MROH1: variants seen among roughly 807,000 people sequenced by gnomAD.
The protein encoded by MROH1 is maestro heat-like repeat-containing protein family member 1.
In MROH1, 117 loss-of-function variants were observed where a neutral mutation model predicts 116.5. The observed-to-expected ratio is 1.00, with a 90% confidence interval of 0.86 to 1.17. MROH1 has a LOEUF of 1.17. MROH1 is among the 50% of genes most tolerant of loss of function. The probability of loss-of-function intolerance (pLI) is 0.00; values close to 1 mark genes in which losing one functional copy is unlikely to be tolerated. For missense variants in MROH1, 1,873 were observed against 1,338.5 expected (o/e 1.40, Z -6.23); for synonymous variants, 921 against 583.9 (o/e 1.58, Z -8.32).
intron 25 of MROH1, 106 bp from the exon 26 acceptor site, chr8:144,243,757 C>T: frequency 1.3e-6 from 1 of 742,184 alleles, no homozygotes; most frequent in Non-Finnish European, 2.5e-6. Context: ...ACATGGGGCT[C>T]TGCTCCTCGG....
At position 144,168,295 on chromosome 8, in the gene MROH1, A is replaced by T; in HGVS notation, c.23A>T (p.Lys8Met). The change falls in exon 4 of 44, where the codon AAG (lysine) becomes ATG (methionine). Residue 8 changes from lysine (K) to methionine (M), a missense_variant and splice_region_variant. Coordinates refer to ENST00000326134, the MANE Select transcript of MROH1 (RefSeq NM_032450.3). The part of the protein sequence containing the change: MTESSMK[K>M]LASTLLDAIT... ...TGCTAACCAGGCTTTGTCGCTGCAG[A>T]GCTGGCCTCCACCCTGCTGGACGCC... 6.3e-7 allele frequency: 1 copy of T among 1,598,662 alleles called. No individual in the cohort carries two copies. Among genetic ancestry groups the T allele is most frequent in the Non-Finnish European group, 8.5e-7 (1 of 1,176,146 alleles).
chr8:144,168,272 C>T (rs1399453610), intron 3 of MROH1, 23 bp from the exon 4 acceptor site: 3 of 1,571,950 alleles, frequency 1.9e-6, no homozygotes, highest in African/African-American at 1.3e-5. Flanking sequence ...CCTGAGCATG[C>T]TAACCAGGCT....
intron 12 of MROH1, among the ~76,000 whole-genome samples, chr8:144,211,362 T>C (rs1464048301): frequency 6.6e-6 from 1 of 152,222 alleles, no homozygotes; most frequent in African/African-American, 2.4e-5. Context: ...TTTCATTAAG[T>C]GGAACACCTT....
intron 1 of MROH1, among the ~76,000 whole-genome samples, chr8:144,159,950 T>C (rs1359469947): frequency 6.6e-6 from 1 of 152,098 alleles, no homozygotes; most frequent in Non-Finnish European, 1.5e-5. Flanking sequence ...TTGTATTTTT[T>C]AGTAGAGACA....
intron 14 of MROH1, among the ~76,000 whole-genome samples, chr8:144,238,372 C>A (rs1032679438): frequency 6.6e-6 from 1 of 152,182 alleles, no homozygotes; most frequent in African/African-American, 2.4e-5. Context: ...GAGAGGACAG[C>A]AGACATCCAG....
Position 144,210,419 on chromosome 8 carries a change from C to A in MROH1, c.1141+9878C>A, listed in dbSNP as rs576742100. ...CGCCACTGCATAAACAGGCCCTGTG[C>A]GGTGGCTCACACCTGTAATCCCAGC... On this transcript the variant is annotated intron_variant, in intron 12 of 43. Transcript: ENST00000326134. Among the ~76,000 whole-genome samples, 343 of 152,146 alleles carry A rather than the reference C, an allele frequency of 2.3e-3. 1 individual carries two copies. The highest frequency in any genetic ancestry group is 8.0e-3 in the African/African-American group (330 of 41,496).
intron 7 of MROH1, among the ~76,000 whole-genome samples, chr8:144,185,076 C>A (rs918104344): frequency 6.6e-6 from 1 of 152,178 alleles, no homozygotes; most frequent in East Asian, 1.9e-4. Flanking sequence ...TTTTCTCTGT[C>A]GGGGAGGGAA....
At chr8:144,188,051 C>T (rs1318834569) in intron 7 of MROH1, among the ~76,000 whole-genome samples, 2 of 152,140 alleles carry the variant, frequency 1.3e-5, no homozygotes, top group Non-Finnish European at 2.9e-5. Context: ...GACCGGCGAG[C>T]CTCGCAGGAC....
intron 11 of MROH1, among the ~76,000 whole-genome samples, chr8:144,199,466 G>T (rs7460754): frequency 0.02 from 3,061 of 152,230 alleles, 89 homozygotes; most frequent in African/African-American, 0.068. Flanking sequence ...CGTCCAGTCT[G>T]CACATTCCCT....
rs1021554218 is a variant in MROH1, at chr8:144,163,942, G to A, written c.22+94G>A. 154 of 1,391,702 alleles carry A rather than the reference G, an allele frequency of 1.1e-4. No homozygotes were observed. The highest frequency in any genetic ancestry group is 1.5e-4 in the Non-Finnish European group (150 of 995,006). The allele number at this position is 1,391,702 out of a possible 1,614,324, so 86.2% of individuals were successfully genotyped here. A position where few individuals can be genotyped will look rare whatever the true frequency, so the allele number is the denominator to read the frequency against. On this transcript the variant is annotated intron_variant, in intron 3 of 43. Coordinates refer to ENST00000326134, the MANE Select transcript of MROH1 (RefSeq NM_032450.3). The surrounding 1 kb of genome is among the most constrained non-coding windows in gnomAD (Gnocchi z 4.4). ...CAAGGCTCTTACCAGCTCCAATGGT[G>A]CCTAGAGTTTCCACCCTATACTCGG... is the stretch of plus-strand genomic sequence containing the variant.
At chr8:144,234,940 T>A (rs1235160043) in intron 14 of MROH1, among the ~76,000 whole-genome samples, 39 of 142,124 alleles carry the variant, frequency 2.7e-4, no homozygotes, top group African/African-American at 1.0e-3. Context: ...TTGCCCAGGC[T>A]GCAGTGCAAT....
chr8:144,157,361 C>T (rs914466159), intron 1 of MROH1, among the ~76,000 whole-genome samples: 2 of 152,194 alleles, frequency 1.3e-5, no homozygotes, highest in East Asian at 1.9e-4. Flanking sequence ...GGATTACAGG[C>T]GTGAGTCTGT....
Position 144,191,628 on chromosome 8 carries a change from C to T in MROH1, c.715-87C>T, listed in dbSNP as rs566158850. The stretch of plus-strand genomic sequence containing the variant: ...CCACTGGTAGCCCAGTGTTCGTTCA[C>T]GTCCGTCACGGGTGCTTGCTGGACA... On this transcript the variant is annotated intron_variant, in intron 8 of 43. Transcript: ENST00000326134. The T allele has an allele frequency of 2.5e-4, 379 of 1,518,256 alleles. No individual in the cohort carries two copies. In the African/African-American group the frequency reaches 4.0e-3, roughly 16 times the overall value. 94.0% of individuals were successfully genotyped at this position (1,518,256 alleles called of 1,614,324 possible). A position where few individuals can be genotyped will look rare whatever the true frequency, so the allele number is the denominator to read the frequency against.
rs73368449 is a variant in MROH1, at chr8:144,223,149, C to T, written c.1257C>T (p.His419=). The T allele has an allele frequency of 0.011, 18,210 of 1,612,998 alleles. 1,823 individuals are homozygous for T. The African/African-American group carries it at 0.21, about 19-fold the overall frequency. ...AVVQVISAMA[H]HGYLEQPGGE... ...TGCAGGTGATTAGCGCCATGGCCCA[C>T]CACGGCTACCTGGAGCAGCCTGGAG... The change falls in exon 14 of 44, where the codon CAC becomes CAT. Residue 419 remains histidine (H), a synonymous_variant. Coordinates refer to ENST00000326134, the MANE Select transcript of MROH1 (RefSeq NM_032450.3).
Position 144,255,404 on chromosome 8 carries a change from C to T in MROH1, c.3595-105C>T, listed in dbSNP as rs905662091. 2.2e-4 allele frequency: 150 copies of T among 694,420 alleles called. 4 individuals are homozygous for T. Among genetic ancestry groups the T allele is most frequent in the South Asian group, 1.1e-3 (70 of 63,722 alleles). The allele number at this position is 694,420 out of a possible 1,614,324, so 43.0% of individuals were successfully genotyped here. ...CGCTGCAGCTGGGATCTGAGACCTC[C>T]GAGCACATGATGCAGGCGAAGGGGG... On this transcript the variant is annotated intron_variant, in intron 34 of 43. Transcript: ENST00000326134.
rs371448987 is a variant in MROH1, at chr8:144,190,857, G to A, written c.636G>A (p.Arg212=). ...ACCGAGCCCCAGACCCCACGGTCAG[G>A]AAGGACGCCTTTGCCACCGACATCT... The part of the protein sequence containing the change: ...NLDRAPDPTV[R]KDAFATDIFS... The change falls in exon 8 of 44, where the codon AGG becomes AGA. Residue 212 remains arginine, a synonymous_variant. Transcript: ENST00000326134. 6.2e-7 allele frequency: 1 copy of A among 1,613,720 alleles called. No individual in the cohort carries two copies. The highest frequency in any genetic ancestry group is 8.5e-7 in the Non-Finnish European group (1 of 1,179,890).
intron 12 of MROH1, among the ~76,000 whole-genome samples, chr8:144,202,658 C>T (rs867373754): frequency 1.2e-3 from 10 of 8,574 alleles, no homozygotes; most frequent in African/African-American, 1.7e-3. Flanking sequence ...TGTGGAGAGG[C>T]GGGGAGGGGG....
At chr8:144,195,262 G>A (rs1829593266) in intron 10 of MROH1, among the ~76,000 whole-genome samples, 1 of 141,032 alleles carries the variant, frequency 7.1e-6, no homozygotes, top group South Asian at 2.2e-4. Flanking sequence ...AGCACTTTGG[G>A]AGGCCAAGGC....
chr8:144,217,061 A>G (rs2132263910), intron 12 of MROH1, among the ~76,000 whole-genome samples: 1 of 152,300 alleles, frequency 6.6e-6, no homozygotes, highest in Non-Finnish European at 1.5e-5. Context: ...GGCTCATGCC[A>G]GTAATCCCTG....
Sources: gnomAD v4.1 joint callset for allele counts (sites outside exome capture counted in the v4.1 genomes callset) on GRCh38, gnomAD v4.1.1 for gene constraint, Gnocchi (gnomAD v3.1) non-coding constraint, MANE v1.5 for transcripts, NCBI Gene and HGNC (gene_info 2026-07-23, HGNC 2026-07-21) for gene names.